Variants in LRRC37A2 observed in about 807,000 individuals in gnomAD.
LRRC37A2 encodes the protein leucine rich repeat containing 37 member A2.
In LRRC37A2, 9 loss-of-function variants were observed where a neutral mutation model predicts 68.8. The ratio of observed to expected loss-of-function variants is 0.13; its 90% CI spans 0.08 to 0.23. The LOEUF is 0.23. LRRC37A2 is among the 10% of genes least tolerant of loss of function. The pLI is 1.00. For missense variants in LRRC37A2, 168 were observed against 950.4 expected (o/e 0.18, Z 10.82); for synonymous variants, 63 against 367.6 (o/e 0.17, Z 9.48).
chr17:47,034,449 G>A, the LRRC37A2 span, among the ~76,000 whole-genome samples: 2 of 152,094 alleles, frequency 1.3e-5, no homozygotes, highest in African/African-American at 2.4e-5. Context: ...TCCTAGTTCA[G>A]AGGTAATGCT....
chr17:46,745,608 C>A, the LRRC37A2 span, among the ~76,000 whole-genome samples: 1 of 152,172 alleles, frequency 6.6e-6, no homozygotes, highest in Non-Finnish European at 1.5e-5. Flanking sequence ...TGCCACTGTT[C>A]TAGGGCCAAC....
At chr17:46,879,538 C>A in the LRRC37A2 span, among the ~76,000 whole-genome samples, 1 of 152,250 alleles carries the variant, frequency 6.6e-6, no homozygotes, top group South Asian at 2.1e-4. Flanking sequence ...AAAACTTTTA[C>A]CCCTTTCATC....
chr17:46,931,175 G>A, the LRRC37A2 span: 2 of 1,603,414 alleles, frequency 1.2e-6, no homozygotes, highest in Non-Finnish European at 1.7e-6. Flanking sequence ...TGTCCAGCAA[G>A]GAGCCCCCTA....
the LRRC37A2 span, chr17:46,830,700 T>C: frequency 2.5e-6 from 1 of 398,660 alleles, no homozygotes; most frequent in Non-Finnish European, 4.4e-6. Flanking sequence ...GGGAGCATTT[T>C]GATGGCTAGT....
chr17:46,964,767 T>G, the LRRC37A2 span: 3 of 152,212 alleles, frequency 2.0e-5, no homozygotes, highest in Non-Finnish European at 2.9e-5. Context: ...CCATGACTTA[T>G]TAGTGGCACA....
At chr17:46,866,313 T>C in the LRRC37A2 span, among the ~76,000 whole-genome samples, 1 of 151,932 alleles carries the variant, frequency 6.6e-6, no homozygotes, top group Non-Finnish European at 1.5e-5. Context: ...TGGGAAGAGG[T>C]TGGGAGCGGA....
At chr17:46,777,250 A>G in the LRRC37A2 span, among the ~76,000 whole-genome samples, 1 of 152,154 alleles carries the variant, frequency 6.6e-6, no homozygotes, top group Non-Finnish European at 1.5e-5. Context: ...GCCGTGAAAG[A>G]GGACCAACTT....
chr17:46,941,048 A>C, the LRRC37A2 span: 4 of 1,068,844 alleles, frequency 3.7e-6, no homozygotes, highest in Non-Finnish European at 3.4e-6. Flanking sequence ...GATGCAAGAA[A>C]CTCCGGTAGC....
chr17:46,787,688 T>G, the LRRC37A2 span, among the ~76,000 whole-genome samples: 1 of 152,166 alleles, frequency 6.6e-6, no homozygotes, highest in South Asian at 2.1e-4. Context: ...GCGCGGTGGC[T>G]CACGCCTGTA....
At chr17:46,531,981 T>C (rs1207581153) in intron 6 of LRRC37A2, among the ~76,000 whole-genome samples, 5 of 147,960 alleles carry the variant, frequency 3.4e-5, no homozygotes, top group South Asian at 2.1e-4. Context: ...TCAATTCTTA[T>C]AATCGTGTGA....
At chr17:46,499,335 A>AGGGG in the LRRC37A2 span, among the ~76,000 whole-genome samples, 52 of 89,100 alleles carry the variant, frequency 5.8e-4, 3 homozygotes, top group Non-Finnish European at 7.2e-4. Context: ...AAAAAAAAAA[A>AGGGG]GGTGGGGGGA....
At chr17:46,779,105 C>CACACACACACA in the LRRC37A2 span, among the ~76,000 whole-genome samples, 11 of 35,416 alleles carry the variant, frequency 3.1e-4, no homozygotes, top group Non-Finnish European at 5.4e-4. Context: ...ACACACACAC[C>CACACACACACA]CCAGCCCACT....
At chr17:46,822,056 G>A in the LRRC37A2 span, among the ~76,000 whole-genome samples, 1 of 152,246 alleles carries the variant, frequency 6.6e-6, no homozygotes, top group Non-Finnish European at 1.5e-5. Context: ...TAAAGGGAGA[G>A]GCGAAGCCGT....
chr17:46,633,764 C>A, the LRRC37A2 span, among the ~76,000 whole-genome samples: 1 of 106,054 alleles, frequency 9.4e-6, no homozygotes, highest in East Asian at 3.0e-4. Flanking sequence ...TTCATTTTTA[C>A]ATTAATATTT....
At chr17:46,569,413 T>C in the LRRC37A2 span, among the ~76,000 whole-genome samples, 1 of 150,658 alleles carries the variant, frequency 6.6e-6, no homozygotes, top group South Asian at 2.1e-4. Context: ...ATAAAAGGCA[T>C]CATGTCTGGG....
At chr17:47,020,674 C>T in the LRRC37A2 span, among the ~76,000 whole-genome samples, 5 of 148,086 alleles carry the variant, frequency 3.4e-5, no homozygotes, top group East Asian at 2.0e-4. Flanking sequence ...CCCAGCTACT[C>T]GGGAGGCTGA....
At chr17:46,704,684 G>A in the LRRC37A2 span, 34 of 1,542,032 alleles carry the variant, frequency 2.2e-5, no homozygotes, top group East Asian at 1.9e-4. Flanking sequence ...CAAGAGTTAC[G>A]TTCTTAAACT....
chr17:46,945,243 T>C, the LRRC37A2 span, among the ~76,000 whole-genome samples: 5 of 152,132 alleles, frequency 3.3e-5, no homozygotes, highest in African/African-American at 1.2e-4. Flanking sequence ...CTGCACGACA[T>C]CCTCCACGCA....
the LRRC37A2 span, chr17:46,773,623 TC>T: frequency 1.3e-5 from 5 of 383,470 alleles, no homozygotes; most frequent in East Asian, 8.0e-5. Context: ...TCCTGATCCC[TC>T]CCCCCACCCA....
Sources: gnomAD v4.1 joint callset for allele counts (sites outside exome capture counted in the v4.1 genomes callset) on GRCh38, gnomAD v4.1.1 for gene constraint, MANE v1.5 for transcripts, NCBI Gene and HGNC (gene_info 2026-07-23, HGNC 2026-07-21) for gene names.